The following CACNB2 variants were observed in gnomAD, a reference collection of about 807,000 sequenced individuals.
The protein encoded by CACNB2 is voltage-dependent L-type calcium channel subunit beta-2.
In CACNB2, 42 loss-of-function variants were observed where a neutral mutation model predicts 73.3. That is an observed-to-expected ratio of 0.57 (90% CI 0.45 to 0.74). CACNB2 has a LOEUF of 0.74. Ranked by LOEUF, CACNB2 falls within the 30% of genes least tolerant of loss-of-function variation. CACNB2 has a pLI of 0.00. For missense variants in CACNB2, 940 were observed against 853.0 expected, an observed-to-expected ratio of 1.10 and a Z score of -1.27; for synonymous variants, 348 against 310.3, an observed-to-expected ratio of 1.12 and a Z score of -1.28.
intron 2 of CACNB2, among the ~76,000 whole-genome samples, chr10:18,201,089 T>A (rs73595514): frequency 0.1 from 15,395 of 152,228 alleles, 1,054 homozygotes; most frequent in African/African-American, 0.19. Context: ...GAGTTATATG[T>A]TTGTGTATTT....
chr10:18,388,251 A>G (rs981242146), intron 2 of CACNB2, among the ~76,000 whole-genome samples: 1 of 152,192 alleles, frequency 6.6e-6, no homozygotes, highest in Non-Finnish European at 1.5e-5. Context: ...CTTTTGACCA[A>G]TGGTATATGT....
chr10:18,274,478 A>G (rs2038192378), intron 2 of CACNB2, among the ~76,000 whole-genome samples: 1 of 152,192 alleles, frequency 6.6e-6, no homozygotes, highest in Non-Finnish European at 1.5e-5. Context: ...CCTTGTATGT[A>G]AGCACTCTAA....
At chr10:18,234,912 G>T (rs2036373336) in intron 2 of CACNB2, among the ~76,000 whole-genome samples, 1 of 152,042 alleles carries the variant, frequency 6.6e-6, no homozygotes, top group Non-Finnish European at 1.5e-5. Flanking sequence ...GGGAGGCTGA[G>T]GCGGGCAGAT....
intron 3 of CACNB2, 67 bp downstream of exon 3, chr10:18,402,110 G>T: frequency 6.5e-7 from 1 of 1,544,562 alleles, no homozygotes; most frequent in Non-Finnish European, 8.9e-7. Context: ...ACCACCTGTG[G>T]GAGTTTCCCC....
intron 8 of CACNB2, 111 bp downstream of exon 8, chr10:18,518,527 T>C (rs1437834655): frequency 5.0e-6 from 4 of 800,682 alleles, no homozygotes; most frequent in African/African-American, 1.7e-5. Context: ...GAGCCAACTT[T>C]AGAGCTTAGA....
chr10:18,200,840 G>A (rs1401983571), intron 2 of CACNB2, among the ~76,000 whole-genome samples: 1 of 152,152 alleles, frequency 6.6e-6, no homozygotes, highest in Non-Finnish European at 1.5e-5. Flanking sequence ...TTGCCATTTA[G>A]AAGTTGTTTT....
At chr10:18,378,547 G>A (rs1016119794) in intron 2 of CACNB2, among the ~76,000 whole-genome samples, 1 of 152,132 alleles carries the variant, frequency 6.6e-6, no homozygotes, top group African/African-American at 2.4e-5. Context: ...CCAGAAGTTG[G>A]AGACCAGCCT....
intron 2 of CACNB2, among the ~76,000 whole-genome samples, chr10:18,223,596 A>T (rs1224178200): frequency 6.6e-6 from 1 of 152,142 alleles, no homozygotes; most frequent in Non-Finnish European, 1.5e-5. Flanking sequence ...TTCTTTTTAC[A>T]TTAGGAAACA....
intron 2 of CACNB2, among the ~76,000 whole-genome samples, chr10:18,197,892 A>G: frequency 6.7e-6 from 1 of 148,898 alleles, no homozygotes; most frequent in South Asian, 2.1e-4. Flanking sequence ...CATGTTATTT[A>G]TATATTTTAT....
intron 2 of CACNB2, among the ~76,000 whole-genome samples, chr10:18,304,718 A>G (rs913072029): frequency 1.6e-4 from 25 of 152,340 alleles, no homozygotes; most frequent in Middle Eastern, 6.8e-3. Flanking sequence ...TTTCCAAAAC[A>G]TAAGTAAATC....
chr10:18,366,337 C>T (rs1021323320), intron 2 of CACNB2, among the ~76,000 whole-genome samples: 5 of 151,790 alleles, frequency 3.3e-5, no homozygotes, highest in African/African-American at 1.2e-4. Flanking sequence ...TGGTGGCGGG[C>T]ACCTGTAATC....
At chr10:18,365,670 G>A (rs2042317254) in intron 2 of CACNB2, among the ~76,000 whole-genome samples, 2 of 152,118 alleles carry the variant, frequency 1.3e-5, no homozygotes, top group Non-Finnish European at 2.9e-5. Context: ...ATATTTTGCT[G>A]AAATATTTTC....
At chr10:18,246,378 A>G (rs557904985) in intron 2 of CACNB2, among the ~76,000 whole-genome samples, 57 of 152,242 alleles carry the variant, frequency 3.7e-4, no homozygotes, top group African/African-American at 1.3e-3. Context: ...TGAGAGGAGG[A>G]TAAGGCTCCT....
Position 18,539,871 on chromosome 10 carries a change from A to C in CACNB2, c.*147A>C. 1 of 851,876 alleles carries C rather than the reference A, an allele frequency of 1.2e-6. No individual in the cohort carries two copies. The highest frequency in any genetic ancestry group is 1.8e-5 in the South Asian group (1 of 56,706). 52.8% of individuals were successfully genotyped at this position (851,876 alleles called of 1,614,324 possible). ...GTATTATTGCTGTTGCTTGAATAGC[A>C]ATAGCATGGATAGAGTATTGAGATA... is the stretch of plus-strand genomic sequence containing the variant. On this transcript the variant is annotated 3_prime_UTR_variant, in exon 14 of 14. Transcript: ENST00000324631.
chr10:18,199,686 A>C (rs1419187321), intron 2 of CACNB2, among the ~76,000 whole-genome samples: 1 of 152,160 alleles, frequency 6.6e-6, no homozygotes, highest in East Asian at 1.9e-4. Context: ...ATGGACTTTG[A>C]TTAGGGTAAT....
intron 2 of CACNB2, among the ~76,000 whole-genome samples, chr10:18,349,241 C>T (rs187604564): frequency 2.6e-5 from 4 of 152,260 alleles, no homozygotes; most frequent in Admixed American, 6.5e-5. Flanking sequence ...TCCACTTGAC[C>T]GCTTCTATTT....
chr10:18,400,559 C>T (rs1345249605), intron 2 of CACNB2: 4 of 1,018,590 alleles, frequency 3.9e-6, no homozygotes, highest in Non-Finnish European at 4.7e-6. Context: ...CTCCCTCCGC[C>T]TCCCCCCTCC....
rs1245127104 is a variant in CACNB2, at chr10:18,541,915, A to G, written c.*2191A>G. The G allele has an allele frequency of 5.9e-5, 9 of 152,072 alleles. No individual in the cohort carries two copies. The highest frequency in any genetic ancestry group is 5.9e-4 in the Admixed American group (9 of 15,264). 9.4% of individuals were successfully genotyped at this position (152,072 alleles called of 1,614,324 possible). A position where few individuals can be genotyped will look rare whatever the true frequency, so the allele number is the denominator to read the frequency against. ...AAAAACTATCCAGCAAAATTATAAA[A>G]TCTACTTTGTTTTGCTTCCTTGATT... is the stretch of plus-strand genomic sequence containing the variant. On this transcript the variant is annotated 3_prime_UTR_variant, in exon 14 of 14. Coordinates refer to ENST00000324631, the MANE Select transcript of CACNB2 (RefSeq NM_201596.3).
intron 2 of CACNB2, among the ~76,000 whole-genome samples, chr10:18,307,234 C>A (rs1051330692): frequency 6.6e-6 from 1 of 152,124 alleles, no homozygotes; most frequent in Non-Finnish European, 1.5e-5. Flanking sequence ...GAGGCCATGG[C>A]GGGCAGATCA....
Sources: allele counts gnomAD v4.1 joint callset (sites outside exome capture counted in the v4.1 genomes callset), GRCh38; gene constraint gnomAD v4.1.1; transcripts MANE v1.5; gene names NCBI Gene and HGNC (gene_info 2026-07-23, HGNC 2026-07-21).